ZDHHC2: variants seen among roughly 807,000 people sequenced by gnomAD.
ZDHHC2 encodes the protein zDHHC palmitoyltransferase 2, also known as palmitoyltransferase ZDHHC2.
Under a neutral mutation model 55.6 loss-of-function variants are expected in ZDHHC2, and 51 were observed. The ratio of observed to expected loss-of-function variants is 0.92; its 90% confidence interval spans 0.73 to 1.16. The LOEUF (loss-of-function observed/expected upper bound fraction) is 1.16. Ranked by LOEUF, ZDHHC2 falls within the 50% of genes most tolerant of loss-of-function variation. The pLI, the probability that ZDHHC2 is intolerant of heterozygous loss-of-function variation, is 0.00. For synonymous variants in ZDHHC2, 199 were observed against 152.9 expected, an observed-to-expected ratio of 1.30 and a Z score of -2.22; for missense variants, 491 against 442.4, an observed-to-expected ratio of 1.11 and a Z score of -0.99.
chr8:17,186,084 C>T (rs896968834), intron 2 of ZDHHC2, among the ~76,000 whole-genome samples: 4 of 152,130 alleles, frequency 2.6e-5, no homozygotes, highest in Non-Finnish European at 5.9e-5. Context: ...GATGGTCTGT[C>T]TACAGATGGG....
At position 17,206,538 on chromosome 8, in the gene ZDHHC2, T is replaced by G. The variant is rs190109980; in HGVS notation, c.597+763T>G. On this transcript the variant is annotated intron_variant, in intron 7 of 12. Coordinates refer to ENST00000262096, the MANE Select transcript of ZDHHC2 (RefSeq NM_016353.5). ...ACGAGAATTGATGACTATATAAGAT[T>G]TTTTTCAGGATTTAAAAATAGAAGT... 8.7e-4 allele frequency among the ~76,000 whole-genome samples: 132 copies of G among 152,310 alleles called. 1 individual carries two copies. Among genetic ancestry groups the G allele is most frequent in the Middle Eastern group, 3.4e-3 (1 of 294 alleles).
Position 17,207,967 on chromosome 8 carries a change from T to C in ZDHHC2, c.605T>C (p.Leu202Pro). 1 of 1,554,164 alleles carries C rather than the reference T, an allele frequency of 6.4e-7. No homozygotes were observed. Among genetic ancestry groups the C allele is most frequent in the African/African-American group, 1.4e-5 (1 of 73,302 alleles). The change falls in exon 8 of 13, where the codon CTA (leucine) becomes CCA (proline). Residue 202 changes from leucine (L) to proline (P), a missense_variant. Coordinates refer to ENST00000262096, the MANE Select transcript of ZDHHC2 (RefSeq NM_016353.5). ...QYFIKFWTNGLPDTQAKFHIM... is the reference protein window; with the variant it reads ...QYFIKFWTNGPPDTQAKFHIM... Reference sequence around the variant, plus strand: ...TTCTTCCTTTCTTTATAGAATGGCCTACCTGATACTCAAGCCAAGTTCCAT... The same window carrying C: ...TTCTTCCTTTCTTTATAGAATGGCCCACCTGATACTCAAGCCAAGTTCCAT...
chr8:17,172,081 C>A (rs1050734155), intron 1 of ZDHHC2, among the ~76,000 whole-genome samples: 2 of 152,058 alleles, frequency 1.3e-5, no homozygotes, highest in African/African-American at 2.4e-5. Context: ...CCCAAAGCCC[C>A]GCGTCTATCA....
At chr8:17,175,699 C>T (rs550191316) in intron 1 of ZDHHC2, among the ~76,000 whole-genome samples, 80 of 151,620 alleles carry the variant, frequency 5.3e-4, no homozygotes, top group African/African-American at 1.9e-3. Flanking sequence ...ACTTGTTCAA[C>T]GTAAAACATC....
At chr8:17,205,942 A>G (rs1467688314) in intron 7 of ZDHHC2, among the ~76,000 whole-genome samples, 167 bp downstream of exon 7, 2 of 152,190 alleles carry the variant, frequency 1.3e-5, no homozygotes, top group African/African-American at 2.4e-5. Context: ...GTAAGATGTA[A>G]TTGTAACCCC....
intron 6 of ZDHHC2, among the ~76,000 whole-genome samples, chr8:17,202,662 T>G (rs1425324373): frequency 2.0e-5 from 3 of 152,044 alleles, no homozygotes; most frequent in Non-Finnish European, 4.4e-5. Flanking sequence ...AGCCAAAAGC[T>G]GTCTATTGTG....
intron 6 of ZDHHC2, among the ~76,000 whole-genome samples, chr8:17,199,506 T>TCTTCG (rs1806537625): frequency 4.7e-5 from 2 of 42,724 alleles, no homozygotes; most frequent in Non-Finnish European, 1.1e-4. Context: ...CTTCTTCTTC[T>TCTTCG]TCTTCTTCGT....
At chr8:17,188,371 C>CAAG (rs1554462689) in intron 3 of ZDHHC2, among the ~76,000 whole-genome samples, 1 of 151,860 alleles carries the variant, frequency 6.6e-6, no homozygotes, top group Non-Finnish European at 1.5e-5. Context: ...TTCTGCCTAG[C>CAAG]AATAGCAGCT....
rs1333153908 is a variant in ZDHHC2, at chr8:17,156,625, C to T, written c.-99C>T. On this transcript the variant is annotated 5_prime_UTR_variant, in exon 1 of 13. Coordinates refer to ENST00000262096, the MANE Select transcript of ZDHHC2 (RefSeq NM_016353.5). ...GGCCGCAGCGCACCCCGCCGCCGCC[C>T]AGGAGCCCGTCCAGCCAGGGGTGCC... 4 of 989,552 alleles carry T rather than the reference C, an allele frequency of 4.0e-6. No individual in the cohort carries two copies. Among genetic ancestry groups the T allele is most frequent in the Non-Finnish European group, 4.9e-6 (4 of 815,026 alleles). 61.3% of individuals were successfully genotyped at this position (989,552 alleles called of 1,614,324 possible). A position where few individuals can be genotyped will look rare whatever the true frequency, so the allele number is the denominator to read the frequency against.
intron 3 of ZDHHC2, among the ~76,000 whole-genome samples, chr8:17,192,388 C>G (rs1806079577): frequency 1.3e-5 from 2 of 152,166 alleles, no homozygotes; most frequent in South Asian, 4.1e-4. Flanking sequence ...TTGAGCACAT[C>G]TTCATATACC....
At chr8:17,215,169 G>C in intron 10 of ZDHHC2, 68 bp from the exon 11 acceptor site, 1 of 1,431,062 alleles carries the variant, frequency 7.0e-7, no homozygotes, top group Non-Finnish European at 9.6e-7. Context: ...CATACATTGA[G>C]AAACAATCAA....
At chr8:17,183,854 G>C (rs1313242245) in intron 1 of ZDHHC2, among the ~76,000 whole-genome samples, 1 of 151,996 alleles carries the variant, frequency 6.6e-6, no homozygotes, top group Non-Finnish European at 1.5e-5. Context: ...AGAAATGCCT[G>C]AACTTATATT....
chr8:17,193,599 G>C, intron 3 of ZDHHC2, among the ~76,000 whole-genome samples: 1 of 152,218 alleles, frequency 6.6e-6, no homozygotes, highest in East Asian at 1.9e-4. Context: ...AGCAAAGTCA[G>C]CCAGGCTTGG....
At chr8:17,163,062 AG>A (rs768840080) in intron 1 of ZDHHC2, among the ~76,000 whole-genome samples, 11 of 152,192 alleles carry the variant, frequency 7.2e-5, no homozygotes, top group African/African-American at 2.7e-4. Context: ...TACTCTGTCC[AG>A]GGCCTGTGAC....
chr8:17,177,407 C>T (rs1438574655), intron 1 of ZDHHC2, among the ~76,000 whole-genome samples: 1 of 152,118 alleles, frequency 6.6e-6, no homozygotes, highest in African/African-American at 2.4e-5. Context: ...TTTGTTGGGA[C>T]AGGAGATGTT....
chr8:17,189,139 T>C lies in ZDHHC2; in HGVS notation c.252+2714T>C, dbSNP rs568935089. Among the ~76,000 whole-genome samples the C allele has an allele frequency of 4.1e-4, 61 of 149,676 alleles. 1 individual carries two copies. The East Asian group carries it at 7.6e-3, about 19-fold the overall frequency. ...GGTGTTTTGTTATGTTTTTTTTTTTTTTTTTTTGGCCTCCTCTTGTGTATT... is the reference window on the plus strand; with the variant it reads ...GGTGTTTTGTTATGTTTTTTTTTTTCTTTTTTTGGCCTCCTCTTGTGTATT... On this transcript the variant is annotated intron_variant, in intron 3 of 12. Transcript: ENST00000262096.
At chr8:17,166,508 A>G (rs1804606335) in intron 1 of ZDHHC2, among the ~76,000 whole-genome samples, 1 of 152,148 alleles carries the variant, frequency 6.6e-6, no homozygotes, top group Non-Finnish European at 1.5e-5. Flanking sequence ...TTTGGGAGAG[A>G]GGTGTAGAAT....
chr8:17,208,912 G>T (rs1807236452), intron 8 of ZDHHC2, among the ~76,000 whole-genome samples: 1 of 152,072 alleles, frequency 6.6e-6, no homozygotes, highest in Admixed American at 6.6e-5. Flanking sequence ...AAATGTTTTA[G>T]AAAAAGCTAT....
chr8:17,205,624 C>T, intron 6 of ZDHHC2, 31 bp from the exon 7 acceptor site: 1 of 1,572,842 alleles, frequency 6.4e-7, no homozygotes, highest in Non-Finnish European at 8.6e-7. Context: ...AGATGTAAAA[C>T]TCACTGGAAA....
Sources: allele counts gnomAD v4.1 joint callset (sites outside exome capture counted in the v4.1 genomes callset), GRCh38; gene constraint gnomAD v4.1.1; transcripts MANE v1.5; gene names NCBI Gene and HGNC (gene_info 2026-07-23, HGNC 2026-07-21).